CLDN10: variants seen among roughly 807,000 people sequenced by gnomAD.
CLDN10 encodes the protein claudin-10.
Under a neutral mutation model 22.9 loss-of-function variants are expected in CLDN10, and 15 were observed. That is an observed-to-expected ratio of 0.65 (90% confidence interval 0.44 to 1.01). CLDN10 has a LOEUF of 1.01. CLDN10 is among the 50% of genes least tolerant of loss of function. CLDN10 has a pLI of 0.00. For missense variants in CLDN10, 247 were observed against 287.8 expected, an observed-to-expected ratio of 0.86 and a Z score of 1.03; for synonymous variants, 114 against 111.4, an observed-to-expected ratio of 1.02 and a Z score of -0.15.
At chr13:95,446,115 T>C (rs2042376437) in intron 1 of CLDN10, among the ~76,000 whole-genome samples, 1 of 152,198 alleles carries the variant, frequency 6.6e-6, no homozygotes, top group South Asian at 2.1e-4. Flanking sequence ...TAGGATCACT[T>C]GGAAGAAGTC....
chr13:95,537,711 T>C (rs1429449123), intron 1 of CLDN10, among the ~76,000 whole-genome samples: 2 of 152,192 alleles, frequency 1.3e-5, no homozygotes, highest in East Asian at 3.9e-4. Flanking sequence ...TATTCTTGCT[T>C]CTGTAACTGG....
At chr13:95,559,982 G>T (rs2043684141) in intron 1 of CLDN10, 150 bp from the exon 2 acceptor site, 1 of 738,562 alleles carries the variant, frequency 1.4e-6, no homozygotes, top group South Asian at 1.9e-5. Flanking sequence ...AGATTAACTT[G>T]CTTTCCTTTC....
chr13:95,547,275 C>T (rs1310808461), intron 1 of CLDN10, among the ~76,000 whole-genome samples: 2 of 152,110 alleles, frequency 1.3e-5, no homozygotes, highest in African/African-American at 2.4e-5. Context: ...GGACTATCCT[C>T]TGCTCTGACT....
chr13:95,508,444 G>C (rs938930163), intron 1 of CLDN10, among the ~76,000 whole-genome samples: 1 of 152,226 alleles, frequency 6.6e-6, no homozygotes, highest in Non-Finnish European at 1.5e-5. Flanking sequence ...ATGTACCCCT[G>C]TATTCTCAAG....
At chr13:95,535,704 C>T (rs934487155) in intron 1 of CLDN10, among the ~76,000 whole-genome samples, 1 of 151,814 alleles carries the variant, frequency 6.6e-6, no homozygotes, top group East Asian at 1.9e-4. Flanking sequence ...CAGGGAATCC[C>T]ATTATGGAGC....
In CLDN10 at chr13:95,455,197, G is replaced by GAA. The variant is rs548591708; in HGVS notation, c.214+21164_214+21165dup. Among the ~76,000 whole-genome samples the GAA allele has an allele frequency of 3.1e-3, 376 of 123,026 alleles. 3 individuals carry two copies. Among genetic ancestry groups the GAA allele is most frequent in the African/African-American group, 9.4e-3 (314 of 33,246 alleles). 80.7% of individuals were successfully genotyped at this position (123,026 alleles called of 152,430 possible). A position where few individuals can be genotyped will look rare whatever the true frequency, so the allele number is the denominator to read the frequency against. On this transcript the variant is annotated intron_variant, in intron 1 of 4. Transcript: ENST00000376873. ...GGATTATTTTCTATAGCCTCTAATA[G>GAA]AAAAAAAAAAAAAAACTATTTTAAA... is the stretch of plus-strand genomic sequence containing the variant.
intron 1 of CLDN10, chr13:95,434,141 T>C: frequency 9.0e-7 from 1 of 1,108,344 alleles, no homozygotes; most frequent in South Asian, 1.4e-5. Context: ...GTTAACTCTC[T>C]GAAGACTGAG....
chr13:95,505,983 A>G (rs1284017127), intron 1 of CLDN10, among the ~76,000 whole-genome samples: 1 of 152,004 alleles, frequency 6.6e-6, no homozygotes, highest in Non-Finnish European at 1.5e-5. Context: ...CTGGTGATCC[A>G]CCTGCCTCGA....
At chr13:95,486,550 A>T (rs2042806855) in intron 1 of CLDN10, among the ~76,000 whole-genome samples, 1 of 149,424 alleles carries the variant, frequency 6.7e-6, no homozygotes, top group African/African-American at 2.5e-5. Context: ...AAAAGATGCA[A>T]TTGGCAGAAG....
intron 1 of CLDN10, among the ~76,000 whole-genome samples, chr13:95,488,899 A>G (rs1186865342): frequency 6.6e-6 from 1 of 150,978 alleles, no homozygotes; most frequent in African/African-American, 2.4e-5. Flanking sequence ...TCTTCTGGGT[A>G]GATACCCAGT....
intron 3 of CLDN10, among the ~76,000 whole-genome samples, chr13:95,572,075 C>T (rs2043869534): frequency 6.6e-6 from 1 of 152,046 alleles, no homozygotes; most frequent in Non-Finnish European, 1.5e-5. Flanking sequence ...TTGGGAGTGG[C>T]TGCTCTTTCC....
intron 3 of CLDN10, among the ~76,000 whole-genome samples, chr13:95,569,231 T>C (rs1166162044): frequency 6.6e-6 from 1 of 152,052 alleles, no homozygotes; most frequent in East Asian, 1.9e-4. Context: ...GAAGAGACAA[T>C]TGTTTTAAGA....
chr13:95,519,458 G>A (rs1341557184), intron 1 of CLDN10, among the ~76,000 whole-genome samples: 1 of 152,212 alleles, frequency 6.6e-6, no homozygotes, highest in Non-Finnish European at 1.5e-5. Flanking sequence ...TGGTATGGAA[G>A]TGTTAGCTAC....
chr13:95,571,393 T>C (rs1431108345), intron 3 of CLDN10, among the ~76,000 whole-genome samples: 12 of 152,194 alleles, frequency 7.9e-5, no homozygotes, highest in African/African-American at 1.2e-4. Flanking sequence ...TAGACACTTA[T>C]AACTTAAATT....
rs1036521814 is a variant in CLDN10 at position 95,474,003 on chromosome 13, G to A, written c.214+39956G>A. ...CGTGGAAGACAGTTTTTCCACGGAC[G>A]GGGGTCGCAGGGTAGTTTCAGGATG... On this transcript the variant is annotated intron_variant, in intron 1 of 4. Coordinates refer to the CLDN10 transcript ENST00000376873. 3.9e-5 allele frequency among the ~76,000 whole-genome samples: 6 copies of A among 152,214 alleles called. No individual in the cohort carries two copies. The South Asian group carries it at 1.0e-3, about 26-fold the overall frequency.
At chr13:95,495,042 A>AATT (rs386380312) in intron 1 of CLDN10, among the ~76,000 whole-genome samples, 23 of 150,862 alleles carry the variant, frequency 1.5e-4, no homozygotes, top group African/African-American at 5.6e-4. Flanking sequence ...TTAATTAATT[A>AATT]ATTTTTTTTT....
intron 3 of CLDN10, among the ~76,000 whole-genome samples, chr13:95,570,248 T>C (rs2043837393): frequency 6.6e-6 from 1 of 152,332 alleles, no homozygotes; most frequent in Middle Eastern, 3.4e-3. Context: ...AAACCTGTTA[T>C]TGTGCCTACT....
intron 1 of CLDN10, among the ~76,000 whole-genome samples, chr13:95,520,626 G>T (rs2043214849): frequency 6.6e-6 from 1 of 152,200 alleles, no homozygotes. Context: ...ACCCGCCTCA[G>T]CCTCCTAAAG....
intron 1 of CLDN10, among the ~76,000 whole-genome samples, chr13:95,533,270 C>T (rs757081913): frequency 6.0e-5 from 9 of 149,152 alleles, no homozygotes; most frequent in East Asian, 2.0e-4. Context: ...AGAGACAGAG[C>T]GAGAGAGCAA....
Sources: gnomAD v4.1 joint callset for allele counts (sites outside exome capture counted in the v4.1 genomes callset) on GRCh38, gnomAD v4.1.1 for gene constraint, MANE v1.5 for transcripts, NCBI Gene and HGNC (gene_info 2026-07-23, HGNC 2026-07-21) for gene names.